Variants in ZFAT observed in about 807,000 individuals in gnomAD.
The protein encoded by ZFAT is zinc finger protein ZFAT.
A neutral mutation model predicts 117.7 loss-of-function variants in ZFAT; 64 were observed. That is an observed-to-expected ratio of 0.54 (90% CI 0.44 to 0.67). The LOEUF (loss-of-function observed/expected upper bound fraction) is 0.67. ZFAT is among the 30% of genes least tolerant of loss of function. ZFAT has a pLI of 0.00. For synonymous variants in ZFAT, 679 were observed against 615.0 expected (o/e 1.10, Z -1.54); for missense variants, 1,433 against 1,584.5 (o/e 0.90, Z 1.62).
chr8:134,482,285 T>G lies in ZFAT; in HGVS notation c.3493-3564A>C, dbSNP rs901157907. Among the ~76,000 whole-genome samples the G allele has an allele frequency of 2.6e-5, 4 of 152,162 alleles. No homozygotes were observed. The East Asian group carries it at 7.7e-4, about 29-fold the overall frequency. ...GCGTTTAGGGATGTCTGTCAAACAG[T>G]GCATGAACAGGGCTGTGCAAAAGTC... On this transcript the variant is annotated intron_variant, in intron 15 of 15. Transcript: ENST00000377838.
At chr8:134,729,559 TC>T in the ZFAT span, among the ~76,000 whole-genome samples, 2 of 152,174 alleles carry the variant, frequency 1.3e-5, no homozygotes, top group Non-Finnish European at 2.9e-5. Context: ...GGTCTCGATC[TC>T]CTGACCTTGT....
chr8:134,791,770 A>T, the ZFAT span, among the ~76,000 whole-genome samples: 1 of 152,218 alleles, frequency 6.6e-6, no homozygotes, highest in African/African-American at 2.4e-5. Flanking sequence ...CAGCAAAAAA[A>T]CTATGTTTCT....
At chr8:134,735,896 T>G in the ZFAT span, among the ~76,000 whole-genome samples, 2 of 151,730 alleles carry the variant, frequency 1.3e-5, no homozygotes, top group African/African-American at 4.8e-5. Flanking sequence ...TTTTAGAATT[T>G]AAAAAAAAGG....
intron 11 of ZFAT, among the ~76,000 whole-genome samples, chr8:134,540,958 G>A (rs1026184084): frequency 6.6e-6 from 1 of 152,144 alleles, no homozygotes; most frequent in African/African-American, 2.4e-5. Context: ...TCAGGGTTCC[G>A]TGGATCAAGT....
At chr8:134,641,825 C>T (rs1830601311) in intron 2 of ZFAT, among the ~76,000 whole-genome samples, 1 of 152,198 alleles carries the variant, frequency 6.6e-6, no homozygotes, top group Admixed American at 6.5e-5. Context: ...TGCTCTAAAT[C>T]CACAGTTTGG....
the ZFAT span, among the ~76,000 whole-genome samples, chr8:134,718,952 C>A: frequency 6.6e-6 from 1 of 152,140 alleles, no homozygotes; most frequent in Non-Finnish European, 1.5e-5. Flanking sequence ...CGTGCAGAGA[C>A]CCGGGGTGTG....
At chr8:134,730,048 T>C in the ZFAT span, among the ~76,000 whole-genome samples, 7 of 152,244 alleles carry the variant, frequency 4.6e-5, no homozygotes, top group African/African-American at 1.7e-4. Context: ...GTTGTCTGCC[T>C]GCCATCTGGA....
chr8:134,640,917 A>G (rs1359590611), intron 2 of ZFAT, among the ~76,000 whole-genome samples: 3 of 152,198 alleles, frequency 2.0e-5, no homozygotes, highest in Admixed American at 6.5e-5. Context: ...AAACATTTCA[A>G]TGGAGTTAGC....
chr8:134,752,400 A>G, the ZFAT span, among the ~76,000 whole-genome samples: 211 of 152,300 alleles, frequency 1.4e-3, no homozygotes, highest in African/African-American at 4.8e-3. Context: ...CATCTTGAAC[A>G]ACTTAGAGTT....
chr8:134,611,697 A>G (rs1400152786), intron 3 of ZFAT, among the ~76,000 whole-genome samples: 1 of 152,216 alleles, frequency 6.6e-6, no homozygotes, highest in Non-Finnish European at 1.5e-5. Flanking sequence ...CTGATTTTTC[A>G]AGGCTGACTC....
the ZFAT span, among the ~76,000 whole-genome samples, chr8:134,733,170 G>GA: frequency 3.9e-5 from 6 of 152,158 alleles, no homozygotes; most frequent in African/African-American, 1.2e-4. Flanking sequence ...TGAATTCAAT[G>GA]AAAAAATCTG....
At chr8:134,661,522 G>C (rs1831931616) in intron 1 of ZFAT, among the ~76,000 whole-genome samples, 1 of 152,230 alleles carries the variant, frequency 6.6e-6, no homozygotes, top group Non-Finnish European at 1.5e-5. Flanking sequence ...GAGGTCATTG[G>C]AAACAGCATC....
intron 3 of ZFAT, among the ~76,000 whole-genome samples, chr8:134,616,815 G>A (rs1262691041): frequency 2.0e-5 from 3 of 152,168 alleles, no homozygotes; most frequent in Non-Finnish European, 4.4e-5. Context: ...CGGAGTCAGA[G>A]AGGCTGGGTT....
intron 13 of ZFAT, among the ~76,000 whole-genome samples, chr8:134,518,551 G>A (rs10089408): frequency 0.47 from 71,579 of 151,820 alleles, 17,931 homozygotes; most frequent in African/African-American, 0.64. Flanking sequence ...TCAGATATTC[G>A]ATGTTATTTA....
At chr8:134,706,454 G>C (rs1015731226) in intron 1 of ZFAT, among the ~76,000 whole-genome samples, 1 of 152,198 alleles carries the variant, frequency 6.6e-6, no homozygotes, top group African/African-American at 2.4e-5. Flanking sequence ...CCCTTTGGGA[G>C]ACCGAGGTGG....
At chr8:134,481,706 C>T (rs1265482674) in intron 15 of ZFAT, among the ~76,000 whole-genome samples, 1 of 152,210 alleles carries the variant, frequency 6.6e-6, no homozygotes, top group African/African-American at 2.4e-5. Flanking sequence ...CAGGAGGAAG[C>T]AGGAGTCCCT....
the ZFAT span, among the ~76,000 whole-genome samples, chr8:134,756,038 ACTT>A: frequency 5.3e-5 from 8 of 151,468 alleles, no homozygotes; most frequent in African/African-American, 1.5e-4. Flanking sequence ...TTTTTTCTTC[ACTT>A]CTTCTTTCAT....
chr8:134,494,607 G>A (rs1440268404), intron 15 of ZFAT, among the ~76,000 whole-genome samples: 3 of 152,170 alleles, frequency 2.0e-5, no homozygotes, highest in African/African-American at 4.8e-5. Context: ...GCTGGTAACC[G>A]AGCAGTGAAG....
chr8:134,641,055 C>G (rs1350284992), intron 2 of ZFAT, among the ~76,000 whole-genome samples: 2 of 152,166 alleles, frequency 1.3e-5, no homozygotes, highest in African/African-American at 2.4e-5. Context: ...CACCCAGATG[C>G]CTGCACACGG....
Sources: gnomAD v4.1 joint callset for allele counts (sites outside exome capture counted in the v4.1 genomes callset) on GRCh38, gnomAD v4.1.1 for gene constraint, MANE v1.5 for transcripts, NCBI Gene and HGNC (gene_info 2026-07-23, HGNC 2026-07-21) for gene names.